The following MYT1L variants were observed in gnomAD, a reference collection of about 807,000 sequenced individuals.
MYT1L encodes the protein myelin transcription factor 1-like protein.
In MYT1L, 12 loss-of-function variants were observed where a neutral mutation model predicts 126.7. The observed-to-expected ratio is 0.09, with a 90% CI of 0.06 to 0.15. MYT1L has a LOEUF of 0.15. Ranked by LOEUF, MYT1L falls within the 10% of genes least tolerant of loss-of-function variation. The pLI is 1.00. For synonymous variants in MYT1L, 541 were observed against 604.2 expected (o/e 0.90, Z 1.53); for missense variants, 979 against 1,585.2 (o/e 0.62, Z 6.49).
intron 2 of MYT1L, among the ~76,000 whole-genome samples, chr2:2,232,843 C>T (rs2094192883): frequency 6.6e-6 from 1 of 152,194 alleles, no homozygotes. Context: ...CTGTGACCTG[C>T]CCTCAGGCCC....
chr2:2,156,911 C>T (rs958402605), intron 3 of MYT1L, among the ~76,000 whole-genome samples: 1 of 152,198 alleles, frequency 6.6e-6, no homozygotes, highest in African/African-American at 2.4e-5. Context: ...TTAATGGGAC[C>T]TTGTCAAGGT....
At chr2:2,251,729 A>C (rs2094655672) in intron 2 of MYT1L, among the ~76,000 whole-genome samples, 1 of 152,146 alleles carries the variant, frequency 6.6e-6, no homozygotes. Flanking sequence ...GCTCTAATAT[A>C]TCTGTTTTGA....
At chr2:2,163,237 G>A (rs2088334834) in intron 3 of MYT1L, among the ~76,000 whole-genome samples, 1 of 152,050 alleles carries the variant, frequency 6.6e-6, no homozygotes, top group African/African-American at 2.4e-5. Context: ...TCTGATCTCT[G>A]TTCGAGACCC....
intron 18 of MYT1L, among the ~76,000 whole-genome samples, chr2:1,868,884 C>T (rs113600634): frequency 6.6e-6 from 1 of 152,216 alleles, no homozygotes; most frequent in Non-Finnish European, 1.5e-5. Context: ...GAGATGCCCT[C>T]AGGTGTGGTG....
intron 3 of MYT1L, among the ~76,000 whole-genome samples, chr2:2,058,111 T>C (rs2637551): frequency 0.97 from 148,036 of 152,298 alleles, 72,044 homozygotes; most frequent in East Asian, 1. Context: ...GGTGTTTTCT[T>C]TGTGTTTTAT....
At chr2:2,309,770 C>T (rs1229552119) in intron 1 of MYT1L, among the ~76,000 whole-genome samples, 2 of 151,976 alleles carry the variant, frequency 1.3e-5, no homozygotes, top group Non-Finnish European at 2.9e-5. Context: ...TCTGTCTATA[C>T]TCCACCTACA....
At chr2:2,039,471 T>C (rs1212025418) in intron 4 of MYT1L, among the ~76,000 whole-genome samples, 2 of 152,184 alleles carry the variant, frequency 1.3e-5, no homozygotes, top group Admixed American at 6.5e-5. Context: ...TTCAATAAAT[T>C]AGTAAATTAG....
rs368783274 is a variant in MYT1L at position 1,838,058 on chromosome 2, C to T, written c.3080+1091G>A. Among the ~76,000 whole-genome samples the T allele has an allele frequency of 2.6e-4, 40 of 152,004 alleles. No individual in the cohort carries two copies. In the East Asian group the frequency reaches 4.1e-3, roughly 16 times the overall value. On this transcript the variant is annotated intron_variant, in intron 21 of 24. Coordinates refer to ENST00000647738, the MANE Select transcript of MYT1L (RefSeq NM_001303052.2). ...TCCCGAGTAGCTGGGATTACAGGCG[C>T]GTGCACCACCACGCCCAGCTAATTT...
At chr2:2,279,567 AT>A (rs1238019176) in intron 2 of MYT1L, among the ~76,000 whole-genome samples, 7 of 140,994 alleles carry the variant, frequency 5.0e-5, no homozygotes, top group African/African-American at 1.6e-4. Context: ...GAATGAATGA[AT>A]GAAGGAAGGA....
intron 18 of MYT1L, among the ~76,000 whole-genome samples, chr2:1,884,727 C>T (rs577001742): frequency 1.2e-4 from 18 of 152,304 alleles, no homozygotes; most frequent in African/African-American, 2.9e-4. Context: ...TGTGGCTTTT[C>T]GATCAACCAA....
chr2:2,065,047 T>C (rs909414559), intron 3 of MYT1L, among the ~76,000 whole-genome samples: 2 of 151,936 alleles, frequency 1.3e-5, no homozygotes, highest in Non-Finnish European at 2.9e-5. Flanking sequence ...AAAATAAAAA[T>C]GGTAGCCAGT....
chr2:1,993,293 C>T (rs545470993), intron 5 of MYT1L, among the ~76,000 whole-genome samples: 6 of 152,284 alleles, frequency 3.9e-5, no homozygotes, highest in South Asian at 2.1e-4. Context: ...CACAGGGGTC[C>T]GCCAGGTGGG....
intron 18 of MYT1L, among the ~76,000 whole-genome samples, chr2:1,884,793 A>T (rs189257967): frequency 1.3e-5 from 2 of 152,314 alleles, no homozygotes; most frequent in Admixed American, 6.5e-5. Flanking sequence ...CCAGGACAAG[A>T]CAGGAAGGAG....
rs999708235 is a variant in MYT1L, at chr2:2,240,909, C to T, written c.-421+43495G>A. Among the ~76,000 whole-genome samples the T allele has an allele frequency of 3.3e-5, 5 of 152,126 alleles. No individual in the cohort carries two copies. The East Asian group carries it at 9.6e-4, about 29-fold the overall frequency. ...AGGTCAAAAGTCATGTTGTTCAGAA[C>T]CACAATCAGAATAATGCCCTGATTT... On this transcript the variant is annotated intron_variant, in intron 2 of 24. Transcript: ENST00000647738.
intron 3 of MYT1L, among the ~76,000 whole-genome samples, chr2:2,061,122 T>C (rs911809494): frequency 2.0e-5 from 3 of 152,192 alleles, no homozygotes; most frequent in Non-Finnish European, 4.4e-5. Context: ...ACAGATAATT[T>C]TGAGGCAGAT....
At chr2:2,280,688 G>A (rs1212135555) in intron 2 of MYT1L, among the ~76,000 whole-genome samples, 1 of 152,154 alleles carries the variant, frequency 6.6e-6, no homozygotes, top group Non-Finnish European at 1.5e-5. Context: ...GTGCAGGGTG[G>A]CCACGCGCGT....
chr2:2,139,229 C>T lies in MYT1L; in HGVS notation c.-304+33643G>A, dbSNP rs924196464. ...GAATGCCATCTACTAGAAGGGGAGACGTGGTCTCCAGAAACCTAAATTCAG... is the reference window on the plus strand; with the variant it reads ...GAATGCCATCTACTAGAAGGGGAGATGTGGTCTCCAGAAACCTAAATTCAG... On this transcript the variant is annotated intron_variant, in intron 3 of 24. Coordinates refer to ENST00000647738, the MANE Select transcript of MYT1L (RefSeq NM_001303052.2). 8.5e-5 allele frequency among the ~76,000 whole-genome samples: 13 copies of T among 152,102 alleles called. No individual in the cohort carries two copies. In the South Asian group the frequency reaches 2.1e-3, roughly 24 times the overall value.
intron 3 of MYT1L, among the ~76,000 whole-genome samples, chr2:2,082,446 G>A (rs143676960): frequency 6.6e-6 from 1 of 152,168 alleles, no homozygotes; most frequent in African/African-American, 2.4e-5. Flanking sequence ...GCTGTTGTAG[G>A]TGACAAGGGC....
At chr2:1,830,328 C>G (rs2039965803) in intron 21 of MYT1L, among the ~76,000 whole-genome samples, 1 of 152,142 alleles carries the variant, frequency 6.6e-6, no homozygotes, top group Non-Finnish European at 1.5e-5. Flanking sequence ...AATTACAGAG[C>G]CCATTTCTTC....
Sources: allele counts gnomAD v4.1 joint callset (sites outside exome capture counted in the v4.1 genomes callset), GRCh38; gene constraint gnomAD v4.1.1; transcripts MANE v1.5; gene names NCBI Gene and HGNC (gene_info 2026-07-23, HGNC 2026-07-21).